Variants in MTHFD1L observed in about 807,000 individuals in gnomAD.
MTHFD1L encodes monofunctional C1-tetrahydrofolate synthase, mitochondrial.
A neutral mutation model predicts 119.5 loss-of-function variants in MTHFD1L; 81 were observed. That is an observed-to-expected ratio of 0.68 (90% CI 0.57 to 0.82). The LOEUF (loss-of-function observed/expected upper bound fraction) is 0.82, where lower values mean the gene tolerates loss of function less well. MTHFD1L is among the 40% of genes least tolerant of loss of function. The probability of loss-of-function intolerance (pLI) is 0.00; values close to 1 mark genes in which losing one functional copy is unlikely to be tolerated. For synonymous variants in MTHFD1L, 430 were observed against 475.2 expected (o/e 0.90, Z 1.24); for missense variants, 1,125 against 1,253.4 (o/e 0.90, Z 1.55).
chr6:151,083,772 A>T (rs976596236), intron 26 of MTHFD1L, among the ~76,000 whole-genome samples: 3 of 152,116 alleles, frequency 2.0e-5, no homozygotes, highest in African/African-American at 7.2e-5. Flanking sequence ...CACTTTTCAG[A>T]TAGGTACAAA....
In MTHFD1L at chr6:151,039,876, T is replaced by C. The variant is rs574109367; in HGVS notation, c.2847+2759T>C. Among the ~76,000 whole-genome samples the C allele has an allele frequency of 5.3e-5, 8 of 152,196 alleles. No individual in the cohort carries two copies. The East Asian group carries it at 1.6e-3, about 29-fold the overall frequency. On this transcript the variant is annotated intron_variant, in intron 26 of 27. Coordinates refer to ENST00000367321, the MANE Select transcript of MTHFD1L (RefSeq NM_015440.5). The surrounding 1 kb of genome is among the most constrained non-coding windows in gnomAD (Gnocchi z 4.4). The stretch of plus-strand genomic sequence containing the variant: ...GTTGCAGTAAGCCAAGATTGCGCCA[T>C]TGCACTTCAGCCTGGGTGACAGAGC...
chr6:151,049,804 C>T (rs1180357390), intron 26 of MTHFD1L, among the ~76,000 whole-genome samples: 1 of 152,162 alleles, frequency 6.6e-6, no homozygotes, highest in Non-Finnish European at 1.5e-5. Context: ...GTTCCTGGTT[C>T]CTGAATCCCA....
chr6:150,932,900 GAGAGAA>G (rs1003707480), intron 11 of MTHFD1L, among the ~76,000 whole-genome samples: 5 of 137,794 alleles, frequency 3.6e-5, no homozygotes, highest in African/African-American at 1.5e-4. Flanking sequence ...GGAAGGAAAA[GAGAGAA>G]AGAAAGAGAA....
chr6:150,970,615 A>T (rs1416939268), intron 19 of MTHFD1L, among the ~76,000 whole-genome samples: 1 of 152,252 alleles, frequency 6.6e-6, no homozygotes, highest in Non-Finnish European at 1.5e-5. Flanking sequence ...TGAAAGGGCC[A>T]TTATGGAGAA....
At chr6:151,002,323 C>T (rs1780730396) in intron 20 of MTHFD1L, among the ~76,000 whole-genome samples, 1 of 152,156 alleles carries the variant, frequency 6.6e-6, no homozygotes, top group South Asian at 2.1e-4. Flanking sequence ...GTATCATAAA[C>T]TGTAAATGGA....
At chr6:151,034,255 T>C (rs139899566) in intron 24 of MTHFD1L, among the ~76,000 whole-genome samples, 1 of 152,214 alleles carries the variant, frequency 6.6e-6, no homozygotes, top group East Asian at 1.9e-4. Flanking sequence ...GCCTCTAAAT[T>C]GCCTGAACAC....
At chr6:151,075,761 T>C (rs1792433315) in intron 26 of MTHFD1L, among the ~76,000 whole-genome samples, 1 of 152,226 alleles carries the variant, frequency 6.6e-6, no homozygotes, top group Admixed American at 6.5e-5. Flanking sequence ...ACAAAATATG[T>C]TCTCTAACCA....
At chr6:151,091,643 C>A (rs2128652900) in intron 26 of MTHFD1L, among the ~76,000 whole-genome samples, 2 of 152,232 alleles carry the variant, frequency 1.3e-5, no homozygotes, top group East Asian at 3.9e-4. Context: ...AAATGAGTAC[C>A]TACCTCATTA....
chr6:151,046,316 GA>G (rs1199610004), intron 26 of MTHFD1L, among the ~76,000 whole-genome samples: 1 of 150,682 alleles, frequency 6.6e-6, no homozygotes, highest in African/African-American at 2.4e-5. Flanking sequence ...GTCAAGGAGG[GA>G]AAAAAAGAAA....
At chr6:151,062,076 C>T (rs1412760464) in intron 26 of MTHFD1L, among the ~76,000 whole-genome samples, 1 of 152,196 alleles carries the variant, frequency 6.6e-6, no homozygotes, top group Non-Finnish European at 1.5e-5. Context: ...AATTTCTAAG[C>T]AGCCTCTAAG....
intron 20 of MTHFD1L, among the ~76,000 whole-genome samples, chr6:151,004,586 C>A (rs1219221944): frequency 6.6e-6 from 1 of 152,182 alleles, no homozygotes; most frequent in Non-Finnish European, 1.5e-5. Context: ...AGCTGCCTGG[C>A]TTTCCAGAAT....
intron 8 of MTHFD1L, among the ~76,000 whole-genome samples, chr6:150,912,295 G>GT (rs1466419790): frequency 5.1e-4 from 65 of 127,554 alleles, no homozygotes; most frequent in Non-Finnish European, 9.2e-4. Context: ...GGCTACCAGT[G>GT]TTTTTGTTTT....
intron 26 of MTHFD1L, among the ~76,000 whole-genome samples, chr6:151,054,614 A>G (rs778098563): frequency 6.6e-6 from 1 of 152,166 alleles, no homozygotes; most frequent in African/African-American, 2.4e-5. Flanking sequence ...TACATCTTCA[A>G]AGATCTTGAC....
intron 24 of MTHFD1L, among the ~76,000 whole-genome samples, chr6:151,032,268 A>G (rs1785442876): frequency 6.6e-6 from 1 of 152,228 alleles, no homozygotes; most frequent in African/African-American, 2.4e-5. Flanking sequence ...CAAGCATGGC[A>G]CCAACATCTG....
chr6:151,015,707 A>G lies in MTHFD1L; in HGVS notation c.2586+14A>G, dbSNP rs1294268467. 1.2e-6 allele frequency: 2 copies of G among 1,611,392 alleles called. No individual in the cohort carries two copies. The highest frequency in any genetic ancestry group is 1.7e-5 in the Admixed American group (1 of 59,612). On this transcript the variant is annotated intron_variant, in intron 24 of 27. Transcript: ENST00000367321. ...TATGATGTTCAGGTAAGATCTAGTA[A>G]AAACAATGGCTCACATTTCTTACAC... is the stretch of plus-strand genomic sequence containing the variant.
chr6:150,972,296 C>T (rs1050915139), intron 20 of MTHFD1L, among the ~76,000 whole-genome samples: 12 of 152,118 alleles, frequency 7.9e-5, no homozygotes. Context: ...TAAACTCTGA[C>T]TCTTGCAAAC....
chr6:151,099,767 A>G (rs1416302362), intron 27 of MTHFD1L: 5 of 1,609,072 alleles, frequency 3.1e-6, no homozygotes, highest in East Asian at 2.2e-5. Context: ...CTGGTCCACA[A>G]CGTCAAGGAG....
At chr6:150,899,654 A>T (rs1784802611) in intron 7 of MTHFD1L, among the ~76,000 whole-genome samples, 1 of 152,176 alleles carries the variant, frequency 6.6e-6, no homozygotes, top group African/African-American at 2.4e-5. Context: ...TTTCAAATAC[A>T]AAGTTAGACA....
intron 20 of MTHFD1L, among the ~76,000 whole-genome samples, chr6:150,990,627 T>TTTTTTGTA (rs1778944128): frequency 6.6e-6 from 1 of 150,864 alleles, no homozygotes; most frequent in African/African-American, 2.4e-5. Context: ...GCCCAGCTAT[T>TTTTTTGTA]TTTTTGTATT....
Sources: gnomAD v4.1 joint callset for allele counts (sites outside exome capture counted in the v4.1 genomes callset) on GRCh38, gnomAD v4.1.1 for gene constraint, Gnocchi (gnomAD v3.1) non-coding constraint, MANE v1.5 for transcripts, NCBI Gene and HGNC (gene_info 2026-07-23, HGNC 2026-07-21) for gene names.